The following ANKRD13A variants were observed in gnomAD, a reference collection of about 807,000 sequenced individuals.
The protein encoded by ANKRD13A is ankyrin repeat domain-containing protein 13A.
Under a neutral mutation model 81.3 loss-of-function variants are expected in ANKRD13A, and 48 were observed. That is an observed-to-expected ratio of 0.59 (90% CI 0.47 to 0.75). The LOEUF is 0.75. ANKRD13A is among the 30% of genes least tolerant of loss of function. The probability of loss-of-function intolerance (pLI) is 0.00; values close to 1 mark genes in which losing one functional copy is unlikely to be tolerated. For synonymous variants in ANKRD13A, 230 were observed against 270.1 expected (o/e 0.85, Z 1.45); for missense variants, 612 against 734.0 (o/e 0.83, Z 1.92).
At chr12:110,014,846 C>T (rs1035515329) in intron 3 of ANKRD13A, among the ~76,000 whole-genome samples, 4 of 146,412 alleles carry the variant, frequency 2.7e-5, no homozygotes, top group Non-Finnish European at 4.4e-5. Context: ...TGCAGTGGCG[C>T]GATCTTGGTT....
intron 6 of ANKRD13A, chr12:110,021,176 G>A (rs1288779277): frequency 1.1e-5 from 5 of 456,700 alleles, no homozygotes; most frequent in Non-Finnish European, 1.8e-5. Context: ...ATTTTTGGAA[G>A]ACAGCTGCTT....
intron 3 of ANKRD13A, among the ~76,000 whole-genome samples, chr12:110,015,301 G>A (rs1180001637): frequency 6.6e-6 from 1 of 152,210 alleles, no homozygotes; most frequent in Non-Finnish European, 1.5e-5. Flanking sequence ...CGGTTTCACA[G>A]AGTAGTTCAA....
chr12:110,021,157 T>C (rs1891058261), intron 6 of ANKRD13A: 1 of 456,904 alleles, frequency 2.2e-6, no homozygotes. Context: ...AGTGTGTAGC[T>C]GAGAGAGAAT....
At chr12:110,004,405 C>T (rs954811608) in intron 1 of ANKRD13A, among the ~76,000 whole-genome samples, 1 of 151,954 alleles carries the variant, frequency 6.6e-6, no homozygotes, top group Admixed American at 6.6e-5. Context: ...CACCTGAGGT[C>T]GGGAGTTCGA....
At chr12:110,027,855 G>A in intron 9 of ANKRD13A, 89 bp downstream of exon 9, 1 of 1,344,136 alleles carries the variant, frequency 7.4e-7, no homozygotes, top group Middle Eastern at 1.8e-4. Flanking sequence ...ATCCTGAACA[G>A]CCCACTCTAT....
intron 3 of ANKRD13A, 84 bp from the exon 4 acceptor site, chr12:110,016,303 GT>G: frequency 9.8e-7 from 1 of 1,020,530 alleles, no homozygotes; most frequent in South Asian, 2.2e-5. Flanking sequence ...TTAACCCAGG[GT>G]TTTTAAGAAC....
Position 110,030,972 on chromosome 12 carries a change from G to A in ANKRD13A, c.1348+214G>A, listed in dbSNP as rs945724382. ...TAGCCGGGTGTGGTGGCGCATGCCT[G>A]TAATCCCAGCTACTCGAGAGGCTGA... On this transcript the variant is annotated intron_variant, in intron 12 of 14. Coordinates refer to ENST00000261739, the MANE Select transcript of ANKRD13A (RefSeq NM_033121.2). Among the ~76,000 whole-genome samples the A allele has an allele frequency of 3.3e-4, 50 of 152,124 alleles. 1 individual carries two copies. The highest frequency in any genetic ancestry group is 1.2e-3 in the African/African-American group (48 of 41,480).
At chr12:110,015,767 G>A (rs184534904) in intron 3 of ANKRD13A, among the ~76,000 whole-genome samples, 125 of 151,598 alleles carry the variant, frequency 8.2e-4, no homozygotes, top group African/African-American at 2.9e-3. Context: ...GGCTGGTCTC[G>A]AACTCCTGAC....
chr12:110,010,448 T>A (rs1202393259), intron 1 of ANKRD13A, among the ~76,000 whole-genome samples: 1 of 152,220 alleles, frequency 6.6e-6, no homozygotes, highest in Non-Finnish European at 1.5e-5. Context: ...TTGTTACTTT[T>A]AAAAAAATAT....
At chr12:110,007,923 G>T (rs1046325491) in intron 1 of ANKRD13A, among the ~76,000 whole-genome samples, 1 of 152,072 alleles carries the variant, frequency 6.6e-6, no homozygotes, top group African/African-American at 2.4e-5. Context: ...TTTTTTGGTG[G>T]ATTCCTTAGG....
intron 3 of ANKRD13A, among the ~76,000 whole-genome samples, chr12:110,013,483 T>C (rs1343835802): frequency 6.6e-6 from 1 of 152,188 alleles, no homozygotes; most frequent in East Asian, 1.9e-4. Context: ...ATTTAAAAAT[T>C]ATAATTGAGC....
chr12:110,011,380 C>T (rs565988614), intron 1 of ANKRD13A, among the ~76,000 whole-genome samples: 10 of 152,300 alleles, frequency 6.6e-5, no homozygotes, highest in African/African-American at 2.2e-4. Context: ...CGCATGTGCA[C>T]TTGCCTATTT....
At chr12:110,027,640 G>A in intron 8 of ANKRD13A, 65 bp from the exon 9 acceptor site, 1 of 1,507,724 alleles carries the variant, frequency 6.6e-7, no homozygotes, top group Non-Finnish European at 9.2e-7. Flanking sequence ...CTTTAATGAA[G>A]ATCTTTTTTT....
chr12:110,034,112 T>C (rs891951249), intron 13 of ANKRD13A, among the ~76,000 whole-genome samples, 155 bp downstream of exon 13: 25 of 152,212 alleles, frequency 1.6e-4, no homozygotes, highest in African/African-American at 5.8e-4. Context: ...TCTGGTCTTC[T>C]TACAAAAGCT....
chr12:110,029,295 A>G (rs1195404458), intron 10 of ANKRD13A, 183 bp from the exon 11 acceptor site: 2 of 553,960 alleles, frequency 3.6e-6, no homozygotes, highest in Non-Finnish European at 5.9e-6. Context: ...CTTTATTGCC[A>G]GATTTTAGGG....
In ANKRD13A at chr12:110,018,618, C is replaced by A. The variant is rs1890917161; in HGVS notation, c.544+130C>A. The A allele has an allele frequency of 9.0e-7, 1 of 1,112,112 alleles. No homozygotes were observed. Among genetic ancestry groups the A allele is most frequent in the Non-Finnish European group, 1.3e-6 (1 of 792,962 alleles). 68.9% of individuals were successfully genotyped at this position (1,112,112 alleles called of 1,614,324 possible). A position where few individuals can be genotyped will look rare whatever the true frequency, so the allele number is the denominator to read the frequency against. On this transcript the variant is annotated intron_variant, in intron 5 of 14. Coordinates refer to ENST00000261739, the MANE Select transcript of ANKRD13A (RefSeq NM_033121.2). This position sits in a 1 kb window ranked among gnomAD's most constrained non-coding sequence, Gnocchi z 4.4. ...CCTAGGGCATGTTTTTTTGGTTATT[C>A]TTATTAATTATTCAGCTCTCCATCC...
intron 6 of ANKRD13A, chr12:110,022,155 A>G (rs1261045457): frequency 6.6e-6 from 1 of 152,198 alleles, no homozygotes; most frequent in Non-Finnish European, 1.5e-5. Context: ...TGCTTCCAAG[A>G]GTGGAAATGC....
intron 12 of ANKRD13A, among the ~76,000 whole-genome samples, chr12:110,033,186 TG>T (rs1891803998): frequency 6.6e-6 from 1 of 151,194 alleles, no homozygotes; most frequent in African/African-American, 2.4e-5. Context: ...CCCGAGTAGC[TG>T]GGACTACAGG....
At chr12:110,010,705 A>G (rs1015540738) in intron 1 of ANKRD13A, among the ~76,000 whole-genome samples, 14 of 152,220 alleles carry the variant, frequency 9.2e-5, no homozygotes, top group African/African-American at 3.4e-4. Flanking sequence ...GTCTTCAACC[A>G]CGTCCCTTAT....
Sources: gnomAD v4.1 joint callset for allele counts (sites outside exome capture counted in the v4.1 genomes callset) on GRCh38, gnomAD v4.1.1 for gene constraint, Gnocchi (gnomAD v3.1) non-coding constraint, MANE v1.5 for transcripts, NCBI Gene and HGNC (gene_info 2026-07-23, HGNC 2026-07-21) for gene names.